The following OXR1 variants were observed in gnomAD, a reference collection of about 807,000 sequenced individuals.
The protein encoded by OXR1 is oxidation resistance protein 1.
OXR1 carries 41 observed loss-of-function variants against 104.6 expected under a neutral mutation model. The observed-to-expected ratio is 0.39, with a 90% CI of 0.31 to 0.51. The LOEUF is 0.51. Ranked by LOEUF, OXR1 falls within the 20% of genes least tolerant of loss-of-function variation. OXR1 has a pLI of 0.77. For synonymous variants in OXR1, 348 were observed against 348.4 expected (o/e 1.00, Z 0.01); for missense variants, 955 against 1,031.9 (o/e 0.93, Z 1.02).
At position 106,691,749 on chromosome 8, in the gene OXR1, AC is replaced by A. The variant is rs199918012; in HGVS notation, c.526-976del. On this transcript the variant is annotated intron_variant, in intron 6 of 16. Transcript: ENST00000517566. ...ATAGCTTTTTGCCAGTTTGCAGGGG[AC>A]CCTCTTATAGCTCTGCATCAGCTAT... is the stretch of plus-strand genomic sequence containing the variant. Among the ~76,000 whole-genome samples the A allele has an allele frequency of 6.7e-4, 101 of 150,236 alleles. No homozygotes were observed. In the East Asian group the frequency reaches 0.018, roughly 27 times the overall value.
rs979590164 is a variant in OXR1 at position 106,751,150 on chromosome 8, G to A, written c.*209G>A. On this transcript the variant is annotated 3_prime_UTR_variant, in exon 17 of 17. Transcript: ENST00000517566. ...TCTTTAGGTTAACACTAGGGACTGC[G>A]TCCATGTACTAGTATAACAGCTTGG... 4.3e-5 allele frequency: 17 copies of A among 395,048 alleles called. No individual in the cohort carries two copies. The highest frequency in any genetic ancestry group is 1.2e-4 in the East Asian group (3 of 24,540). The allele number at this position is 395,048 out of a possible 1,614,324, so 24.5% of individuals were successfully genotyped here. A position where few individuals can be genotyped will look rare whatever the true frequency, so the allele number is the denominator to read the frequency against.
chr8:106,736,734 G>C (rs2035514), intron 11 of OXR1, among the ~76,000 whole-genome samples: 2,457 of 152,182 alleles, frequency 0.016, 36 homozygotes, highest in Admixed American at 0.047. Context: ...CAAGAGCCTG[G>C]TCTAGGCAAT....
At chr8:106,292,585 T>C (rs1382421596) in intron 1 of OXR1, among the ~76,000 whole-genome samples, 1 of 152,214 alleles carries the variant, frequency 6.6e-6, no homozygotes, top group Non-Finnish European at 1.5e-5. Context: ...TCTTGGAATG[T>C]ATTCCTCTGC....
chr8:106,430,187 T>C (rs1393933863), intron 2 of OXR1, among the ~76,000 whole-genome samples: 1 of 152,176 alleles, frequency 6.6e-6, no homozygotes, highest in African/African-American at 2.4e-5. Context: ...TACAAAAAAT[T>C]GAAAGGAACT....
intron 11 of OXR1, among the ~76,000 whole-genome samples, chr8:106,736,196 G>A (rs561784069): frequency 1.3e-5 from 2 of 149,624 alleles, no homozygotes; most frequent in South Asian, 4.2e-4. Flanking sequence ...GAGCTAGAGA[G>A]AATAACAGCT....
chr8:106,635,567 C>T (rs577966481), intron 3 of OXR1, among the ~76,000 whole-genome samples: 1 of 152,198 alleles, frequency 6.6e-6, no homozygotes, highest in South Asian at 2.1e-4. Flanking sequence ...GCCTCAGACT[C>T]CCAAGTAGCT....
rs1456910440 is a variant in OXR1, at chr8:106,693,255, C to T, written c.675+378C>T. Among the ~76,000 whole-genome samples the T allele has an allele frequency of 2.0e-5, 3 of 151,900 alleles. No homozygotes were observed. In the East Asian group the frequency reaches 5.8e-4, roughly 29 times the overall value. On this transcript the variant is annotated intron_variant, in intron 7 of 16. Coordinates refer to ENST00000517566, the MANE Select transcript of OXR1 (RefSeq NM_001198533.2). ...TATTTATTGAGTACCTTCTATATGC[C>T]AGAGAGTATTTGAGGTATCTTAATT... is the stretch of plus-strand genomic sequence containing the variant.
intron 1 of OXR1, among the ~76,000 whole-genome samples, chr8:106,281,423 G>A (rs904657597): frequency 6.6e-6 from 1 of 152,170 alleles, no homozygotes; most frequent in South Asian, 2.1e-4. Context: ...CCACTGTACC[G>A]GTGATCACTG....
intron 14 of OXR1, 38 bp downstream of exon 14, chr8:106,740,533 A>T (rs1834831688): frequency 6.5e-7 from 1 of 1,538,756 alleles, no homozygotes; most frequent in Admixed American, 1.9e-5. Flanking sequence ...TTATCCTTTA[A>T]GAGCAGTAAC....
At chr8:106,452,747 G>C (rs1820387164) in intron 2 of OXR1, among the ~76,000 whole-genome samples, 1 of 152,050 alleles carries the variant, frequency 6.6e-6, no homozygotes, top group Admixed American at 6.6e-5. Flanking sequence ...TTTGTTGTTT[G>C]TTTTGAAACT....
chr8:106,334,898 T>C (rs781184508), intron 1 of OXR1, among the ~76,000 whole-genome samples: 6 of 152,194 alleles, frequency 3.9e-5, no homozygotes, highest in Non-Finnish European at 7.3e-5. Context: ...AATCCTTCAG[T>C]GGTTCGGCAT....
In OXR1 at chr8:106,535,958, C is replaced by T. The variant is rs555735598; in HGVS notation, c.220+16819C>T. On this transcript the variant is annotated intron_variant, in intron 3 of 16. Coordinates refer to ENST00000517566, the MANE Select transcript of OXR1 (RefSeq NM_001198533.2). ...TTTTCAGGCTGGCTGCAGTGGCTCA[C>T]GCCTGTAATCCCAACACTTTGGGAG... 1.0e-3 allele frequency among the ~76,000 whole-genome samples: 155 copies of T among 152,220 alleles called. 1 individual carries two copies. The highest frequency in any genetic ancestry group is 1.5e-3 in the Non-Finnish European group (101 of 68,010).
At position 106,341,390 on chromosome 8, in the gene OXR1, C is replaced by CATATATATATATATATATATATATAT. The variant is rs138432601; in HGVS notation, c.-138-18069_-138-18068insTATATATATATATATATATATATATA. Among the ~76,000 whole-genome samples, 716 of 145,778 alleles carry CATATATATATATATATATATATATAT rather than the reference C, an allele frequency of 4.9e-3. 7 individuals carry two copies. The highest frequency in any genetic ancestry group is 8.2e-3 in the Non-Finnish European group (544 of 66,128). ...CTCATTTATTCAATTAGTCAATCTACATATATATATATATATACTTTCTAA... is the reference window on the plus strand; with the variant it reads ...CTCATTTATTCAATTAGTCAATCTACATATATATATATATATATATATATATATATATATATATATATACTTTCTAA... On this transcript the variant is annotated intron_variant, in intron 1 of 16. Coordinates refer to ENST00000517566, the MANE Select transcript of OXR1 (RefSeq NM_001198533.2).
At chr8:106,304,058 T>C (rs1169444214) in intron 1 of OXR1, among the ~76,000 whole-genome samples, 1 of 152,212 alleles carries the variant, frequency 6.6e-6, no homozygotes, top group African/African-American at 2.4e-5. Flanking sequence ...CTAGTGATTG[T>C]AATCCTGACT....
intron 2 of OXR1, among the ~76,000 whole-genome samples, chr8:106,403,437 A>G (rs1469834888): frequency 1.3e-5 from 2 of 152,244 alleles, no homozygotes; most frequent in Non-Finnish European, 2.9e-5. Context: ...CAATGGGTGT[A>G]GTTCCCACAG....
intron 1 of OXR1, among the ~76,000 whole-genome samples, chr8:106,275,981 T>C (rs1386062316): frequency 1.3e-5 from 2 of 152,196 alleles, no homozygotes; most frequent in African/African-American, 4.8e-5. Flanking sequence ...AGAAAAAAAA[T>C]AGCCTGGAAC....
chr8:106,624,272 AAAG>A (rs1340573480), intron 3 of OXR1, among the ~76,000 whole-genome samples: 9 of 152,232 alleles, frequency 5.9e-5, no homozygotes, highest in African/African-American at 2.2e-4. Flanking sequence ...ATAAGGAAGT[AAAG>A]AAGGAGTAAG....
At chr8:106,643,440 T>G (rs952289798) in intron 3 of OXR1, among the ~76,000 whole-genome samples, 13 of 152,156 alleles carry the variant, frequency 8.5e-5, no homozygotes, top group African/African-American at 3.1e-4. Flanking sequence ...TAGAATTTTT[T>G]TTTTTTTTAA....
chr8:106,326,257 C>G lies in OXR1; in HGVS notation c.-138-33219C>G, dbSNP rs1814463816. Among the ~76,000 whole-genome samples, 4 of 152,170 alleles carry G rather than the reference C, an allele frequency of 2.6e-5. No homozygotes were observed. The South Asian group carries it at 8.3e-4, about 31-fold the overall frequency. On this transcript the variant is annotated intron_variant, in intron 1 of 16. Coordinates refer to ENST00000517566, the MANE Select transcript of OXR1 (RefSeq NM_001198533.2). ...AGTCTTATTAAAATGGAAGGATGTC[C>G]CTAGTGTGTTGCGTAGAAAACAACA... is the stretch of plus-strand genomic sequence containing the variant.
Sources: allele counts gnomAD v4.1 joint callset (sites outside exome capture counted in the v4.1 genomes callset), GRCh38; gene constraint gnomAD v4.1.1; transcripts MANE v1.5; gene names NCBI Gene and HGNC (gene_info 2026-07-23, HGNC 2026-07-21).